The following FAM114A2 variants were observed in gnomAD, a reference collection of about 807,000 sequenced individuals.
FAM114A2 encodes protein FAM114A2.
A neutral mutation model predicts 58.4 loss-of-function variants in FAM114A2; 53 were observed. The observed-to-expected ratio is 0.91, with a 90% CI of 0.73 to 1.14. FAM114A2 has a LOEUF of 1.14. FAM114A2 is among the 50% of genes most tolerant of loss of function. The probability of loss-of-function intolerance (pLI) is 0.00; values close to 1 mark genes in which losing one functional copy is unlikely to be tolerated. For synonymous variants in FAM114A2, 228 were observed against 211.4 expected (o/e 1.08, Z -0.68); for missense variants, 601 against 581.1 (o/e 1.03, Z -0.35).
At chr5:154,003,146 A>C (rs1770110968) in intron 9 of FAM114A2, among the ~76,000 whole-genome samples, 177 bp from the exon 10 acceptor site, 1 of 150,922 alleles carries the variant, frequency 6.6e-6, no homozygotes, top group African/African-American at 2.4e-5. Flanking sequence ...ACTGTGGTCC[A>C]TCATTCCTTT....
chr5:154,009,760 G>C (rs1770573241), intron 9 of FAM114A2, among the ~76,000 whole-genome samples: 1 of 152,062 alleles, frequency 6.6e-6, no homozygotes, highest in Non-Finnish European at 1.5e-5. Context: ...AAGCATTAGA[G>C]AAACTCCAAA....
In FAM114A2 at chr5:154,002,929, G is replaced by A. The variant is rs1335959507; in HGVS notation, c.1034C>T (p.Thr345Ile). The A allele has an allele frequency of 1.2e-6, 2 of 1,613,568 alleles. No homozygotes were observed. Among genetic ancestry groups the A allele is most frequent in the Admixed American group, 3.3e-5 (2 of 60,010 alleles). ...TTCTTCATTCTCTGCTAATGGCTTGGTCAGAGACTTCCTGATCCATTCGTG... is the reference window on the plus strand; with the variant it reads ...TTCTTCATTCTCTGCTAATGGCTTGATCAGAGACTTCCTGATCCATTCGTG... Reference protein sequence around the residue: ...TAHEWIRKSLTKPLAENEEGE... With the variant: ...TAHEWIRKSLIKPLAENEEGE... Residue 345 changes from threonine to isoleucine, a missense_variant, in exon 10 of 14, where the codon ACC (threonine) becomes ATC (isoleucine). Physicochemically the swap from Thr to Ile is moderately conservative, Grantham distance 89 (BLOSUM62 -1). Transcript: ENST00000351797.
intron 8 of FAM114A2, among the ~76,000 whole-genome samples, chr5:154,017,511 C>A (rs925816127): frequency 5.9e-5 from 9 of 152,022 alleles, no homozygotes; most frequent in Non-Finnish European, 7.4e-5. Flanking sequence ...GACTTTAACA[C>A]CCCACTGACA....
intron 8 of FAM114A2, among the ~76,000 whole-genome samples, chr5:154,015,381 C>T (rs948474412): frequency 6.6e-6 from 1 of 152,128 alleles, no homozygotes; most frequent in Non-Finnish European, 1.5e-5. Flanking sequence ...ACTTCGTCCC[C>T]GACACCTCCA....
chr5:153,990,845 C>T lies in FAM114A2; in HGVS notation c.*2131G>A, dbSNP rs1181174254. 2 of 152,260 alleles carry T rather than the reference C, an allele frequency of 1.3e-5. No individual in the cohort carries two copies. Among genetic ancestry groups the T allele is most frequent in the Middle Eastern group, 3.4e-3 (1 of 294 alleles). 9.4% of individuals were successfully genotyped at this position (152,260 alleles called of 1,614,324 possible). A position where few individuals can be genotyped will look rare whatever the true frequency, so the allele number is the denominator to read the frequency against. On this transcript the variant is annotated 3_prime_UTR_variant, in exon 14 of 14. Transcript: ENST00000351797. ...ACAAAAAACTAAAACACTGTAACTA[C>T]CCCAAATAAAATAATGAAGCACATA... is the stretch of plus-strand genomic sequence containing the variant.
intron 9 of FAM114A2, among the ~76,000 whole-genome samples, chr5:154,009,147 G>A (rs1351764376): frequency 6.6e-6 from 1 of 152,156 alleles, no homozygotes; most frequent in South Asian, 2.1e-4. Context: ...AAAACCAAAA[G>A]GGAATGAATC....
At chr5:154,007,171 G>A (rs997799457) in intron 9 of FAM114A2, among the ~76,000 whole-genome samples, 61 of 152,206 alleles carry the variant, frequency 4.0e-4, no homozygotes, top group Non-Finnish European at 1.2e-4. Flanking sequence ...AAATCATCAT[G>A]AACTATTGTG....
At position 154,003,073 on chromosome 5, in the gene FAM114A2, T is replaced by G. The variant is rs969354322; in HGVS notation, c.994-104A>C. ...GCATCCTAGAAGTAAGGGCTCCTGT[T>G]CTTACCTGAACGTACCATCTAGCTT... On this transcript the variant is annotated intron_variant, in intron 9 of 13. Coordinates refer to ENST00000351797, the MANE Select transcript of FAM114A2 (RefSeq NM_018691.4). The G allele has an allele frequency of 3.0e-6, 3 of 984,794 alleles. No individual in the cohort carries two copies. In the African/African-American group the frequency reaches 4.8e-5, roughly 16 times the overall value. 61.0% of individuals were successfully genotyped at this position (984,794 alleles called of 1,614,324 possible). A position where few individuals can be genotyped will look rare whatever the true frequency, so the allele number is the denominator to read the frequency against.
chr5:154,032,575 T>A (rs1193910113), intron 4 of FAM114A2, among the ~76,000 whole-genome samples: 3 of 152,078 alleles, frequency 2.0e-5, no homozygotes, highest in Non-Finnish European at 4.4e-5. Flanking sequence ...ATCAAGAACA[T>A]GAGATCCTGT....
At chr5:154,022,039 G>A (rs989096036) in intron 8 of FAM114A2, among the ~76,000 whole-genome samples, 1 of 152,174 alleles carries the variant, frequency 6.6e-6, no homozygotes, top group African/African-American at 2.4e-5. Flanking sequence ...AACAAGCAAT[G>A]GGGAAAGGAT....
intron 8 of FAM114A2, among the ~76,000 whole-genome samples, chr5:154,014,398 G>T (rs979169642): frequency 2.6e-5 from 4 of 152,174 alleles, no homozygotes; most frequent in Admixed American, 6.5e-5. Context: ...AATATATCAG[G>T]AAGGCCAAGA....
intron 12 of FAM114A2, among the ~76,000 whole-genome samples, chr5:153,995,721 G>A (rs1487844395): frequency 6.6e-6 from 1 of 152,068 alleles, no homozygotes; most frequent in Non-Finnish European, 1.5e-5. Flanking sequence ...AAATGCTCTT[G>A]ATTTTATCCC....
chr5:154,019,011 C>T (rs944711947), intron 8 of FAM114A2, among the ~76,000 whole-genome samples: 1 of 152,064 alleles, frequency 6.6e-6, no homozygotes, highest in Non-Finnish European at 1.5e-5. Flanking sequence ...GACAAGGATG[C>T]CCACTCTCAC....
chr5:154,031,889 A>G (rs1772226264), intron 4 of FAM114A2, among the ~76,000 whole-genome samples: 2 of 152,264 alleles, frequency 1.3e-5, no homozygotes, highest in Admixed American at 1.3e-4. Flanking sequence ...GGAACAGTTA[A>G]GCTGAAAGCT....
At chr5:154,022,324 A>G (rs1184211437) in intron 8 of FAM114A2, among the ~76,000 whole-genome samples, 1 of 152,254 alleles carries the variant, frequency 6.6e-6, no homozygotes, top group African/African-American at 2.4e-5. Flanking sequence ...ACAGCAAAAG[A>G]AACTACCATC....
intron 11 of FAM114A2, among the ~76,000 whole-genome samples, chr5:153,998,689 T>C (rs945169479): frequency 4.6e-5 from 7 of 152,204 alleles, no homozygotes; most frequent in South Asian, 2.1e-4. Flanking sequence ...CTCTTTTCTT[T>C]GTAAATTACC....
intron 9 of FAM114A2, among the ~76,000 whole-genome samples, chr5:154,008,963 G>A (rs538870834): frequency 6.6e-6 from 1 of 152,202 alleles, no homozygotes; most frequent in South Asian, 2.1e-4. Context: ...TATACTGTGT[G>A]TGAAGTCATG....
chr5:154,004,247 C>T (rs1770200718), intron 9 of FAM114A2, among the ~76,000 whole-genome samples: 1 of 152,160 alleles, frequency 6.6e-6, no homozygotes, highest in South Asian at 2.1e-4. Flanking sequence ...GTAACCCCAA[C>T]TTTCTTCTGT....
At chr5:154,023,361 T>A (rs1398508605) in intron 8 of FAM114A2, among the ~76,000 whole-genome samples, 1 of 152,114 alleles carries the variant, frequency 6.6e-6, no homozygotes. Flanking sequence ...TGCAAAAATG[T>A]GGAACCAACT....
Sources: allele counts gnomAD v4.1 joint callset (sites outside exome capture counted in the v4.1 genomes callset), GRCh38; gene constraint gnomAD v4.1.1; transcripts MANE v1.5; gene names NCBI Gene and HGNC (gene_info 2026-07-23, HGNC 2026-07-21).